NRBF2: variants seen among roughly 807,000 people sequenced by gnomAD.
NRBF2 encodes nuclear receptor binding factor 2, also known as nuclear receptor-binding factor 2.
NRBF2 carries 12 observed loss-of-function variants against 28.5 expected under a neutral mutation model. That is an observed-to-expected ratio of 0.42 (90% CI 0.27 to 0.68). NRBF2 has a LOEUF of 0.68. Ranked by LOEUF, NRBF2 falls within the 30% of genes least tolerant of loss-of-function variation. The pLI is 0.24. For missense variants in NRBF2, 274 were observed against 333.5 expected, an observed-to-expected ratio of 0.82 and a Z score of 1.39; for synonymous variants, 102 against 116.5, an observed-to-expected ratio of 0.88 and a Z score of 0.80.
chr10:63,133,530 C>G, intron 1 of NRBF2, 30 bp downstream of exon 1: 2 of 1,544,970 alleles, frequency 1.3e-6, no homozygotes, highest in South Asian at 2.2e-5. Flanking sequence ...TAGCGTTCGT[C>G]TTGGGTGCCT....
chr10:63,146,895 T>G (rs552640314), intron 2 of NRBF2, among the ~76,000 whole-genome samples: 1 of 152,176 alleles, frequency 6.6e-6, no homozygotes, highest in Non-Finnish European at 1.5e-5. Context: ...TTTACCCTAG[T>G]CAGTCAAGCA....
intron 1 of NRBF2, among the ~76,000 whole-genome samples, chr10:63,135,208 G>T (rs949815626): frequency 6.6e-6 from 1 of 152,168 alleles, no homozygotes; most frequent in Non-Finnish European, 1.5e-5. Flanking sequence ...GAACTGTCTT[G>T]CACTTTTCTT....
At chr10:63,135,282 A>G (rs1465837280) in intron 1 of NRBF2, among the ~76,000 whole-genome samples, 1 of 152,238 alleles carries the variant, frequency 6.6e-6, no homozygotes, top group East Asian at 1.9e-4. Context: ...GAAACTTCAC[A>G]GGAGTATTAC....
rs182046814 is a variant in NRBF2 at position 63,154,071 on chromosome 10, C to T, written c.717C>T (p.Ala239=). Residue 239 remains alanine, a synonymous_variant, in exon 4 of 4, where the codon GCC becomes GCT. Coordinates refer to ENST00000277746, the MANE Select transcript of NRBF2 (RefSeq NM_030759.5). ...CACCACATGCAGAAACTGCTACAGC[C>T]TCCTCAACCTGGCAGAAGTTCGCAG... ...SLPPHAETAT[A]SSTWQKFAAN... 5.0e-6 allele frequency: 8 copies of T among 1,613,644 alleles called. No homozygotes were observed. In the African/African-American group the frequency reaches 9.3e-5, roughly 19 times the overall value.
intron 1 of NRBF2, among the ~76,000 whole-genome samples, chr10:63,141,826 T>C (rs1365400976): frequency 6.6e-6 from 1 of 152,328 alleles, no homozygotes; most frequent in East Asian, 1.9e-4. Flanking sequence ...GTAGGAAATG[T>C]ACTTAAAATA....
Position 63,133,414 on chromosome 10 carries a change from C to T in NRBF2, c.-57C>T, listed in dbSNP as rs1013512577. The T allele has an allele frequency of 1.2e-6, 2 of 1,606,752 alleles. No homozygotes were observed. The highest frequency in any genetic ancestry group is 8.5e-7 in the Non-Finnish European group (1 of 1,176,388). ...GCGTCGAGCTCCCTTGCAGTCCCCTCCATGTTCCCCGGCGCCACTACTCCC... is the reference window on the plus strand; with the variant it reads ...GCGTCGAGCTCCCTTGCAGTCCCCTTCATGTTCCCCGGCGCCACTACTCCC... On this transcript the variant is annotated 5_prime_UTR_variant, in exon 1 of 4. Transcript: ENST00000277746.
chr10:63,140,675 T>C (rs987164010), intron 1 of NRBF2, among the ~76,000 whole-genome samples: 1 of 151,684 alleles, frequency 6.6e-6, no homozygotes, highest in Non-Finnish European at 1.5e-5. Context: ...GCTGGGATTA[T>C]AGGCATGAAC....
intron 2 of NRBF2, among the ~76,000 whole-genome samples, chr10:63,147,714 G>A (rs565689533): frequency 2.1e-4 from 31 of 148,774 alleles, no homozygotes; most frequent in African/African-American, 7.5e-4. Context: ...CCATCAACCT[G>A]TTGTCTACAT....
intron 1 of NRBF2, among the ~76,000 whole-genome samples, chr10:63,145,101 C>CTTTTT (rs34823556): frequency 4.2e-4 from 36 of 85,888 alleles, no homozygotes; most frequent in Non-Finnish European, 5.4e-4. Context: ...TATATTAAAG[C>CTTTTT]TTTTTTTTTT....
chr10:63,133,407 G>C lies in NRBF2; in HGVS notation c.-64G>C, dbSNP rs1394665422. 4 of 1,600,248 alleles carry C rather than the reference G, an allele frequency of 2.5e-6. No individual in the cohort carries two copies. The highest frequency in any genetic ancestry group is 3.3e-4 in the Middle Eastern group (2 of 5,994). The stretch of plus-strand genomic sequence containing the variant: ...CGCGGCTGCGTCGAGCTCCCTTGCA[G>C]TCCCCTCCATGTTCCCCGGCGCCAC... On this transcript the variant is annotated 5_prime_UTR_variant, in exon 1 of 4. Transcript: ENST00000277746.
At chr10:63,135,897 G>A (rs1841369372) in intron 1 of NRBF2, among the ~76,000 whole-genome samples, 1 of 152,152 alleles carries the variant, frequency 6.6e-6, no homozygotes. Context: ...CCCCCGCCTG[G>A]CCTCCCAAAG....
chr10:63,134,464 C>T (rs890149844), intron 1 of NRBF2, among the ~76,000 whole-genome samples: 16 of 152,200 alleles, frequency 1.1e-4, no homozygotes, highest in African/African-American at 3.4e-4. Context: ...CATTAGAACT[C>T]TGAGTCCTAG....
chr10:63,145,186 C>T (rs746191892), intron 1 of NRBF2, among the ~76,000 whole-genome samples: 7 of 137,638 alleles, frequency 5.1e-5, no homozygotes, highest in Non-Finnish European at 9.0e-5. Context: ...TGCCTCATTG[C>T]AACCTCTGCC....
rs1251613565 is a variant in NRBF2 at position 63,154,306 on chromosome 10, G to A, written c.*88G>A. 2 of 877,572 alleles carry A rather than the reference G, an allele frequency of 2.3e-6. No individual in the cohort carries two copies. The highest frequency in any genetic ancestry group is 3.5e-6 in the Non-Finnish European group (2 of 570,022). The allele number at this position is 877,572 out of a possible 1,614,324, so 54.4% of individuals were successfully genotyped here. A position where few individuals can be genotyped will look rare whatever the true frequency, so the allele number is the denominator to read the frequency against. On this transcript the variant is annotated 3_prime_UTR_variant, in exon 4 of 4. Transcript: ENST00000277746. ...AGAAATGAAAAGGGAAAACCACATAGAAGGGTAATCCCGGAAATGCTTCAT... is the reference window on the plus strand; with the variant it reads ...AGAAATGAAAAGGGAAAACCACATAAAAGGGTAATCCCGGAAATGCTTCAT...
intron 1 of NRBF2, among the ~76,000 whole-genome samples, chr10:63,136,408 T>A (rs1210478647): frequency 6.6e-6 from 1 of 152,226 alleles, no homozygotes; most frequent in Non-Finnish European, 1.5e-5. Flanking sequence ...ATTCCACTAG[T>A]ATTATACAAG....
At chr10:63,137,535 C>T (rs1185733308) in intron 1 of NRBF2, among the ~76,000 whole-genome samples, 1 of 152,140 alleles carries the variant, frequency 6.6e-6, no homozygotes, top group African/African-American at 2.4e-5. Context: ...CAATCGTTTT[C>T]TATGTGTTTA....
At chr10:63,139,347 C>T (rs954587346) in intron 1 of NRBF2, among the ~76,000 whole-genome samples, 1 of 152,170 alleles carries the variant, frequency 6.6e-6, no homozygotes, top group African/African-American at 2.4e-5. Context: ...TACTTAACAG[C>T]TTTCCCCAAG....
At chr10:63,143,558 A>G (rs577978275) in intron 1 of NRBF2, among the ~76,000 whole-genome samples, 3 of 151,580 alleles carry the variant, frequency 2.0e-5, no homozygotes, top group Non-Finnish European at 4.4e-5. Context: ...CCCGGGTTGA[A>G]GCGGCGATTC....
intron 2 of NRBF2, among the ~76,000 whole-genome samples, chr10:63,147,652 AATGTGC>A (rs1401194673): frequency 6.7e-6 from 1 of 148,632 alleles, no homozygotes; most frequent in Non-Finnish European, 1.5e-5. Context: ...ACATGTGTAG[AATGTGC>A]ATGTTTGTTA....
Sources: gnomAD v4.1 joint callset for allele counts (sites outside exome capture counted in the v4.1 genomes callset) on GRCh38, gnomAD v4.1.1 for gene constraint, MANE v1.5 for transcripts, NCBI Gene and HGNC (gene_info 2026-07-23, HGNC 2026-07-21) for gene names.